Variants in CCDC148 observed in about 807,000 individuals in gnomAD.
CCDC148 encodes coiled-coil domain containing 148, also known as coiled-coil domain-containing protein 148.
In CCDC148, 89 loss-of-function variants were observed where a neutral mutation model predicts 85.7. The observed-to-expected ratio is 1.04, with a 90% confidence interval of 0.87 to 1.24. CCDC148 has a LOEUF of 1.24. CCDC148 is among the 50% of genes most tolerant of loss of function. The pLI, the probability that CCDC148 is intolerant of heterozygous loss-of-function variation, is 0.00. For synonymous variants in CCDC148, 230 were observed against 213.9 expected (o/e 1.08, Z -0.66); for missense variants, 692 against 671.7 (o/e 1.03, Z -0.33).
chr2:158,358,638 T>A, intron 1 of CCDC148, 68 bp from the exon 2 acceptor site: 1 of 1,072,344 alleles, frequency 9.3e-7, no homozygotes, highest in African/African-American at 1.7e-5. Context: ...AAAATATAAT[T>A]AGGGCAACAT....
At chr2:158,374,736 A>G (rs149561531) in intron 1 of CCDC148, among the ~76,000 whole-genome samples, 3 of 151,986 alleles carry the variant, frequency 2.0e-5, no homozygotes, top group Non-Finnish European at 4.4e-5. Flanking sequence ...AAAGTAATCA[A>G]CATAGCCCCA....
At chr2:158,424,108 T>C (rs189048847) in intron 1 of CCDC148, among the ~76,000 whole-genome samples, 97 of 152,198 alleles carry the variant, frequency 6.4e-4, no homozygotes, top group Middle Eastern at 3.4e-3. Context: ...AACACTTTTA[T>C]ACTGTTGGTG....
chr2:158,239,578 T>C (rs942812131), intron 10 of CCDC148, among the ~76,000 whole-genome samples: 1 of 152,114 alleles, frequency 6.6e-6, no homozygotes, highest in African/African-American at 2.4e-5. Context: ...TTAATTTAAA[T>C]TAATAAGGTT....
rs1691869488 is a variant in CCDC148, at chr2:158,309,541, C to T, written c.1002G>A (p.Gln334=). 6.2e-7 allele frequency: 1 copy of T among 1,613,692 alleles called. No individual in the cohort carries two copies. The change falls in exon 9 of 14, where the codon CAG becomes CAA. Residue 334 remains glutamine, a synonymous_variant. Transcript: ENST00000283233. The part of the protein sequence containing the change: ...NWNKNKKDFI[Q]KAVLTLTEAC... ...CCTCAGTGAGTGTCAGCACAGCCTT[C>T]TGTATAAAGTCTTTCTTATTTTTAT...
At chr2:158,219,490 T>C (rs1304128948) in intron 11 of CCDC148, among the ~76,000 whole-genome samples, 1 of 152,208 alleles carries the variant, frequency 6.6e-6, no homozygotes, top group Non-Finnish European at 1.5e-5. Context: ...GGGGATTTCC[T>C]TCCTGGTTTG....
At chr2:158,391,004 A>G (rs1685280260) in intron 1 of CCDC148, among the ~76,000 whole-genome samples, 1 of 152,182 alleles carries the variant, frequency 6.6e-6, no homozygotes, top group African/African-American at 2.4e-5. Context: ...GCAAAGGTGT[A>G]ATACATGGCT....
chr2:158,364,462 T>C (rs1415293053), intron 1 of CCDC148, among the ~76,000 whole-genome samples: 2 of 151,892 alleles, frequency 1.3e-5, no homozygotes, highest in South Asian at 4.2e-4. Flanking sequence ...CCAAAACAGA[T>C]ATACAGACAA....
At chr2:158,455,594 TTTTC>T (rs1688622786) in intron 1 of CCDC148, among the ~76,000 whole-genome samples, 1 of 151,070 alleles carries the variant, frequency 6.6e-6, no homozygotes, top group East Asian at 2.0e-4. Context: ...CCTATCAGCT[TTTTC>T]ACACAATATG....
At position 158,354,096 on chromosome 2, in the gene CCDC148, A is replaced by C. The variant is rs1296019868; in HGVS notation, c.147+4353T>G. Among the ~76,000 whole-genome samples, 3 of 151,942 alleles carry C rather than the reference A, an allele frequency of 2.0e-5. No individual in the cohort carries two copies. In the East Asian group the frequency reaches 5.8e-4, roughly 29 times the overall value. On this transcript the variant is annotated intron_variant, in intron 2 of 13. Transcript: ENST00000283233. ...CAAAGCAGTGTGTACAGGGAAATTT[A>C]TAGCACTAAATGCCCACAAGAGAAA...
At chr2:158,440,125 T>G (rs779744107) in intron 1 of CCDC148, among the ~76,000 whole-genome samples, 1 of 152,052 alleles carries the variant, frequency 6.6e-6, no homozygotes, top group Non-Finnish European at 1.5e-5. Flanking sequence ...TGCCTCAGCC[T>G]CCAAAGGTGC....
At chr2:158,349,842 T>G (rs930207532) in intron 2 of CCDC148, among the ~76,000 whole-genome samples, 1 of 152,076 alleles carries the variant, frequency 6.6e-6, no homozygotes, top group Non-Finnish European at 1.5e-5. Context: ...TAACTGAAAT[T>G]CAAAACAACA....
At chr2:158,318,984 GTCT>G (rs1559067320) in intron 7 of CCDC148, among the ~76,000 whole-genome samples, 1 of 151,998 alleles carries the variant, frequency 6.6e-6, no homozygotes, top group Non-Finnish European at 1.5e-5. Flanking sequence ...GCCTAGGCTG[GTCT>G]TCTTCTGAGC....
chr2:158,443,864 T>C (rs1474822694), intron 1 of CCDC148, among the ~76,000 whole-genome samples: 2 of 152,172 alleles, frequency 1.3e-5, no homozygotes, highest in East Asian at 3.9e-4. Context: ...CTCCTGACTT[T>C]GAGATCAGTG....
intron 1 of CCDC148, among the ~76,000 whole-genome samples, chr2:158,421,066 A>G (rs1237603096): frequency 6.6e-6 from 1 of 152,224 alleles, no homozygotes; most frequent in Non-Finnish European, 1.5e-5. Context: ...CACTCAATAC[A>G]GGAGCACCCA....
At chr2:158,177,709 A>G (rs1466100902) in intron 12 of CCDC148, among the ~76,000 whole-genome samples, 2 of 152,136 alleles carry the variant, frequency 1.3e-5, no homozygotes, top group East Asian at 1.9e-4. Flanking sequence ...TTACATTCCT[A>G]TGCTTTAAAT....
At chr2:158,334,154 T>C (rs1421585627) in intron 7 of CCDC148, among the ~76,000 whole-genome samples, 2 of 152,128 alleles carry the variant, frequency 1.3e-5, no homozygotes, top group African/African-American at 4.8e-5. Flanking sequence ...CTGGAGTTTT[T>C]AACTCTCAGA....
At chr2:158,180,971 C>T (rs1684871667) in intron 11 of CCDC148, among the ~76,000 whole-genome samples, 1 of 152,120 alleles carries the variant, frequency 6.6e-6, no homozygotes, top group South Asian at 2.1e-4. Context: ...CTCACGCCTC[C>T]ATGTCATGGA....
At chr2:158,445,848 G>A (rs1378100814) in intron 1 of CCDC148, among the ~76,000 whole-genome samples, 7 of 151,978 alleles carry the variant, frequency 4.6e-5, no homozygotes, top group African/African-American at 1.7e-4. Context: ...TAGACAATTC[G>A]AATAAATGTT....
At chr2:158,353,544 G>A (rs1194233346) in intron 2 of CCDC148, among the ~76,000 whole-genome samples, 2 of 151,752 alleles carry the variant, frequency 1.3e-5, no homozygotes, top group African/African-American at 2.4e-5. Flanking sequence ...AAATATATAT[G>A]CACCCAATAT....
Sources: allele counts gnomAD v4.1 joint callset (sites outside exome capture counted in the v4.1 genomes callset), GRCh38; gene constraint gnomAD v4.1.1; transcripts MANE v1.5; gene names NCBI Gene and HGNC (gene_info 2026-07-23, HGNC 2026-07-21).